Variants in CD8B2 observed in about 807,000 individuals in gnomAD.
The protein encoded by CD8B2 is CD8B family member 2.
In CD8B2, 11 loss-of-function variants were observed where a neutral mutation model predicts 23.7. The observed-to-expected ratio is 0.46, with a 90% CI of 0.29 to 0.77. The LOEUF is 0.77. CD8B2 is among the 30% of genes least tolerant of loss of function. The pLI is 0.09. For missense variants in CD8B2, 197 were observed against 270.5 expected (o/e 0.73, Z 1.91); for synonymous variants, 90 against 109.3 (o/e 0.82, Z 1.10).
At chr2:106,515,408 G>T (rs1316744591), downstream of CD8B2, among the ~76,000 whole-genome samples, 1 of 152,224 alleles carries the variant, frequency 6.6e-6, no homozygotes, top group Non-Finnish European at 1.5e-5. Flanking sequence ...GGTGTTTGGA[G>T]GTGGGGTCTT....
chr2:106,524,599 G>A (rs1339536978), intron 5 of CD8B2, among the ~76,000 whole-genome samples: 4 of 152,176 alleles, frequency 2.6e-5, no homozygotes, highest in Non-Finnish European at 4.4e-5. Flanking sequence ...GCTGCTCCGA[G>A]GACCATAGTT....
downstream of CD8B2, among the ~76,000 whole-genome samples, chr2:106,512,007 A>G (rs956558412): frequency 1.4e-4 from 22 of 152,206 alleles, no homozygotes; most frequent in African/African-American, 5.3e-4. Context: ...GCCTTTCACA[A>G]GCGAGTACCC....
chr2:106,540,771 G>C, intron 5 of CD8B2, among the ~76,000 whole-genome samples: 1 of 152,098 alleles, frequency 6.6e-6, no homozygotes, highest in East Asian at 1.9e-4. Context: ...CACCATCTTG[G>C]CCAGGCTGGT....
At chr2:106,522,849 C>T (rs1053449424) in intron 5 of CD8B2, among the ~76,000 whole-genome samples, 1 of 152,102 alleles carries the variant, frequency 6.6e-6, no homozygotes, top group Non-Finnish European at 1.5e-5. Flanking sequence ...TTGTTCCCTG[C>T]CCCACTGAAT....
intron 5 of CD8B2, among the ~76,000 whole-genome samples, chr2:106,525,426 G>A (rs548132385): frequency 6.6e-6 from 1 of 152,302 alleles, no homozygotes; most frequent in East Asian, 1.9e-4. Context: ...GTCTACTGAA[G>A]CATCATACAG....
chr2:106,534,340 G>T (rs996562607), intron 5 of CD8B2, among the ~76,000 whole-genome samples: 3 of 152,190 alleles, frequency 2.0e-5, no homozygotes, highest in African/African-American at 7.2e-5. Context: ...GAAGAACTAA[G>T]TTCTAGTGCA....
chr2:106,525,576 C>T (rs1310640447), intron 5 of CD8B2, among the ~76,000 whole-genome samples: 5 of 152,158 alleles, frequency 3.3e-5, no homozygotes, highest in South Asian at 2.1e-4. Flanking sequence ...TGTTCTACCA[C>T]GTTTTCGTCA....
chr2:106,541,132 T>C (rs1364897839), intron 5 of CD8B2, among the ~76,000 whole-genome samples: 1 of 152,006 alleles, frequency 6.6e-6, no homozygotes, highest in Admixed American at 6.6e-5. Context: ...TGGTTTGAGG[T>C]AGGCCACGGT....
downstream of CD8B2, among the ~76,000 whole-genome samples, chr2:106,512,615 T>C (rs1043105260): frequency 6.6e-6 from 1 of 151,920 alleles, no homozygotes; most frequent in African/African-American, 2.4e-5. Context: ...GCTAATTTTT[T>C]TTTATTTTTA....
At chr2:106,543,479 A>G (rs1176771866) in intron 5 of CD8B2, among the ~76,000 whole-genome samples, 1 of 152,198 alleles carries the variant, frequency 6.6e-6, no homozygotes, top group Non-Finnish European at 1.5e-5. Context: ...GCCGTGGGCC[A>G]TGACTGCACT....
At chr2:106,543,456 G>A (rs556749665) in intron 5 of CD8B2, among the ~76,000 whole-genome samples, 4 of 152,308 alleles carry the variant, frequency 2.6e-5, no homozygotes, top group East Asian at 1.9e-4. Context: ...GCTTGAACCC[G>A]GAAGTTGAGG....
At chr2:106,538,407 A>G (rs6543420) in intron 5 of CD8B2, among the ~76,000 whole-genome samples, 150,146 of 152,250 alleles carry the variant, frequency 0.99, 74,066 homozygotes, top group East Asian at 1. Flanking sequence ...ACTTGTTCTT[A>G]AAATTGATCA....
At chr2:106,504,486 T>C (rs1679468655) in intron 5 of CD8B2, among the ~76,000 whole-genome samples, 161 bp downstream of exon 5, 1 of 151,990 alleles carries the variant, frequency 6.6e-6, no homozygotes. Flanking sequence ...ACTCGGGAGC[T>C]GAAGCAGGAG....
chr2:106,500,552 A>T (rs1372492275), intron 3 of CD8B2, among the ~76,000 whole-genome samples: 3 of 136,992 alleles, frequency 2.2e-5, no homozygotes, highest in Non-Finnish European at 5.1e-5. Flanking sequence ...AAATAAATAA[A>T]TAAATAAATA....
At chr2:106,513,978 G>A (rs1448639193), downstream of CD8B2, among the ~76,000 whole-genome samples, 1 of 151,880 alleles carries the variant, frequency 6.6e-6, no homozygotes, top group African/African-American at 2.4e-5. Context: ...TCCTTTTGTG[G>A]GCCCTGCTCA....
intron 5 of CD8B2, among the ~76,000 whole-genome samples, chr2:106,528,817 A>C (rs920818863): frequency 6.6e-6 from 1 of 152,230 alleles, no homozygotes; most frequent in Non-Finnish European, 1.5e-5. Context: ...AATTTCATTT[A>C]GGTTCCACCA....
chr2:106,496,061 G>A (rs1450923130), intron 2 of CD8B2, 112 bp from the exon 3 acceptor site: 25 of 1,523,688 alleles, frequency 1.6e-5, no homozygotes, highest in East Asian at 2.5e-5. Context: ...GCCTCCGGAA[G>A]TGTTGGGATT....
At chr2:106,490,027 C>T (rs1280033550) in intron 1 of CD8B2, among the ~76,000 whole-genome samples, 2 of 151,966 alleles carry the variant, frequency 1.3e-5, no homozygotes, top group Non-Finnish European at 2.9e-5. Context: ...TCTGTCCTTC[C>T]ACTGGGGAAT....
chr2:106,524,467 A>G (rs1679879532), intron 5 of CD8B2, among the ~76,000 whole-genome samples: 1 of 152,118 alleles, frequency 6.6e-6, no homozygotes, highest in African/African-American at 2.4e-5. Context: ...TTCCTGAAGC[A>G]CCGTCCTGAA....
Sources: gnomAD v4.1 joint callset for allele counts (sites outside exome capture counted in the v4.1 genomes callset) on GRCh38, gnomAD v4.1.1 for gene constraint, MANE v1.5 for transcripts, NCBI Gene and HGNC (gene_info 2026-07-23, HGNC 2026-07-21) for gene names.